The following FOXP1 variants were observed in gnomAD, a reference collection of about 807,000 sequenced individuals.
The protein encoded by FOXP1 is forkhead box P1.
FOXP1 carries 15 observed loss-of-function variants against 98.2 expected under a neutral mutation model. That is an observed-to-expected ratio of 0.15 (90% CI 0.10 to 0.24). The LOEUF (loss-of-function observed/expected upper bound fraction) is 0.24, where lower values mean the gene tolerates loss of function less well. Among genes scored for constraint, FOXP1 ranks in the 10% least tolerant of loss-of-function variants. The pLI is 1.00. For missense variants in FOXP1, 633 were observed against 848.5 expected, an observed-to-expected ratio of 0.75 and a Z score of 3.15; for synonymous variants, 371 against 314.5, an observed-to-expected ratio of 1.18 and a Z score of -1.90.
At chr3:70,965,576 A>G (rs959029135) in intron 20 of FOXP1, among the ~76,000 whole-genome samples, 4 of 152,142 alleles carry the variant, frequency 2.6e-5, no homozygotes, top group African/African-American at 9.7e-5. Context: ...TTTCATAGGA[A>G]TGCATATTAG....
chr3:71,158,237 GAC>G (rs1399696266), intron 6 of FOXP1, among the ~76,000 whole-genome samples: 1 of 151,956 alleles, frequency 6.6e-6, no homozygotes, highest in African/African-American at 2.4e-5. Context: ...ACAGAAGAGA[GAC>G]AGAAAGAGTG....
intron 6 of FOXP1, among the ~76,000 whole-genome samples, chr3:71,163,987 G>A (rs1464512146): frequency 6.6e-6 from 1 of 152,188 alleles, no homozygotes; most frequent in African/African-American, 2.4e-5. Flanking sequence ...AGGGCTGAAT[G>A]TCTGCCTGGC....
At chr3:70,973,719 A>C (rs1231630087) in intron 17 of FOXP1, among the ~76,000 whole-genome samples, 1 of 152,066 alleles carries the variant, frequency 6.6e-6, no homozygotes, top group East Asian at 1.9e-4. Flanking sequence ...GAGTAAGTAG[A>C]TGACTCAATA....
chr3:71,557,829 T>C (rs2046250940), intron 2 of FOXP1, among the ~76,000 whole-genome samples: 1 of 152,252 alleles, frequency 6.6e-6, no homozygotes, highest in Non-Finnish European at 1.5e-5. Context: ...TGTTTATTTA[T>C]TTTTTGAAAC....
chr3:71,188,527 G>A (rs546925271), intron 6 of FOXP1, among the ~76,000 whole-genome samples: 2 of 151,388 alleles, frequency 1.3e-5, no homozygotes, highest in Non-Finnish European at 2.9e-5. Flanking sequence ...TGATTCTCCT[G>A]CCTCAGCCTC....
intron 2 of FOXP1, among the ~76,000 whole-genome samples, chr3:71,502,173 C>G (rs1477310819): frequency 6.6e-6 from 1 of 152,182 alleles, no homozygotes; most frequent in Non-Finnish European, 1.5e-5. Context: ...TGGCAGAAAA[C>G]ACAAACCTTC....
chr3:71,241,591 GA>G (rs1184324722), intron 5 of FOXP1, among the ~76,000 whole-genome samples: 2 of 152,182 alleles, frequency 1.3e-5, no homozygotes, highest in African/African-American at 4.8e-5. Flanking sequence ...CAGTCATCAG[GA>G]CTATTACAAA....
intron 2 of FOXP1, among the ~76,000 whole-genome samples, chr3:71,555,882 G>C (rs1356165194): frequency 6.6e-6 from 1 of 151,260 alleles, no homozygotes; most frequent in Non-Finnish European, 1.5e-5. Context: ...AATTAAGATA[G>C]AGTTAAATAC....
chr3:71,413,347 A>T (rs2082947521), intron 3 of FOXP1, among the ~76,000 whole-genome samples: 1 of 151,154 alleles, frequency 6.6e-6, no homozygotes, highest in South Asian at 2.1e-4. Context: ...CATCCATATG[A>T]CACAATGCTG....
chr3:71,244,259 T>G (rs2067526993), intron 5 of FOXP1, among the ~76,000 whole-genome samples: 2 of 152,114 alleles, frequency 1.3e-5, no homozygotes, highest in African/African-American at 4.8e-5. Flanking sequence ...TGCATAAAAA[T>G]AAACTCCACT....
rs56318177 is a variant in FOXP1, at chr3:71,085,735, C to CTTTTTTTTTTTTTTTTTTTTTTTTTTTTT, written c.282+26800_282+26801insAAAAAAAAAAAAAAAAAAAAAAAAAAAAA. 3.2e-3 allele frequency among the ~76,000 whole-genome samples: 120 copies of CTTTTTTTTTTTTTTTTTTTTTTTTTTTTT among 37,034 alleles called. 55 individuals carry two copies. The highest frequency in any genetic ancestry group is 5.7e-3 in the Admixed American group (10 of 1,746). The allele number at this position is 37,034 out of a possible 152,430, so 24.3% of individuals were successfully genotyped here. A position where few individuals can be genotyped will look rare whatever the true frequency, so the allele number is the denominator to read the frequency against. ...TTGTATGGTGGGTATCATTTATGGC[C>CTTTTTTTTTTTTTTTTTTTTTTTTTTTTT]TTTTTTTTTTTTTTACATGGAGTCT... On this transcript the variant is annotated intron_variant, in intron 7 of 20. Coordinates refer to ENST00000649528, the MANE Select transcript of FOXP1 (RefSeq NM_001349338.3).
chr3:70,978,085 G>T, intron 14 of FOXP1, 56 bp from the exon 15 acceptor site: 1 of 1,436,942 alleles, frequency 7.0e-7, no homozygotes, highest in Non-Finnish European at 9.8e-7. Flanking sequence ...AGCAACCCAG[G>T]AACCACATCT....
intron 5 of FOXP1, among the ~76,000 whole-genome samples, chr3:71,270,047 A>C (rs1388313168): frequency 1.3e-5 from 2 of 152,196 alleles, no homozygotes; most frequent in Non-Finnish European, 2.9e-5. Context: ...ACTGTGTTTA[A>C]CCACCGCTCT....
At chr3:71,478,856 C>A (rs1433702707) in intron 3 of FOXP1, among the ~76,000 whole-genome samples, 1 of 152,202 alleles carries the variant, frequency 6.6e-6, no homozygotes, top group African/African-American at 2.4e-5. Context: ...GGCACCCAGC[C>A]ATCCCTCAAG....
At chr3:71,231,896 G>A (rs1280254482) in intron 5 of FOXP1, among the ~76,000 whole-genome samples, 1 of 152,254 alleles carries the variant, frequency 6.6e-6, no homozygotes. Flanking sequence ...ATACTTCAAC[G>A]TTATCTCCTG....
At chr3:71,427,205 C>T (rs563980932) in intron 3 of FOXP1, among the ~76,000 whole-genome samples, 20 of 152,140 alleles carry the variant, frequency 1.3e-4, no homozygotes, top group Non-Finnish European at 2.1e-4. Context: ...TGGGTCACCA[C>T]CATATATCTA....
intron 6 of FOXP1, among the ~76,000 whole-genome samples, chr3:71,160,075 G>A (rs2061055945): frequency 6.6e-6 from 1 of 152,194 alleles, no homozygotes; most frequent in South Asian, 2.1e-4. Context: ...AGGTAATTTC[G>A]CAGTATCTCC....
In FOXP1 at chr3:71,581,551, G is replaced by T; in HGVS notation, c.-300C>A. 1.0e-6 allele frequency: 1 copy of T among 985,458 alleles called. No individual in the cohort carries two copies. The highest frequency in any genetic ancestry group is 1.2e-6 in the Non-Finnish European group (1 of 829,966). 61.0% of individuals were successfully genotyped at this position (985,458 alleles called of 1,614,324 possible). A position where few individuals can be genotyped will look rare whatever the true frequency, so the allele number is the denominator to read the frequency against. On this transcript the variant is annotated splice_region_variant and 5_prime_UTR_variant, in exon 2 of 21. Coordinates refer to ENST00000649528, the MANE Select transcript of FOXP1 (RefSeq NM_001349338.3). ...CGCCCGCGGCCGCCTCGACTTACCCGCGGAGTCCGGGGAGGGAGTAGGAGC... is the reference window on the plus strand; with the variant it reads ...CGCCCGCGGCCGCCTCGACTTACCCTCGGAGTCCGGGGAGGGAGTAGGAGC...
intron 11 of FOXP1, among the ~76,000 whole-genome samples, chr3:71,019,166 A>G (rs911302229): frequency 1.3e-5 from 2 of 152,224 alleles, no homozygotes; most frequent in Non-Finnish European, 2.9e-5. Context: ...GAAGGGAAAT[A>G]AAAATGAGGA....
Sources: allele counts gnomAD v4.1 joint callset (sites outside exome capture counted in the v4.1 genomes callset), GRCh38; gene constraint gnomAD v4.1.1; transcripts MANE v1.5; gene names NCBI Gene and HGNC (gene_info 2026-07-23, HGNC 2026-07-21).